PRKN: variants seen among roughly 807,000 people sequenced by gnomAD.
PRKN encodes E3 ubiquitin-protein ligase parkin.
A neutral mutation model predicts 59.5 loss-of-function variants in PRKN; 56 were observed. The ratio of observed to expected loss-of-function variants is 0.94; its 90% CI spans 0.76 to 1.18. The LOEUF (loss-of-function observed/expected upper bound fraction) is 1.18. Ranked by LOEUF, PRKN falls within the 50% of genes most tolerant of loss-of-function variation. PRKN has a pLI of 0.00. For missense variants in PRKN, 657 were observed against 596.4 expected (o/e 1.10, Z -1.06); for synonymous variants, 250 against 222.1 (o/e 1.13, Z -1.12).
chr6:161,850,423 C>T (rs561210871), intron 6 of PRKN, among the ~76,000 whole-genome samples: 33 of 151,828 alleles, frequency 2.2e-4, no homozygotes, highest in Non-Finnish European at 3.5e-4. Context: ...ACTAAAAATA[C>T]AAAAATTAGC....
intron 2 of PRKN, among the ~76,000 whole-genome samples, chr6:162,371,384 G>A (rs371146020): frequency 6.6e-5 from 10 of 152,140 alleles, no homozygotes; most frequent in Non-Finnish European, 1.3e-4. Flanking sequence ...GCAGCTTTGC[G>A]AGTTCTGACT....
At chr6:161,490,010 T>G (rs911319001) in intron 9 of PRKN, among the ~76,000 whole-genome samples, 12 of 152,244 alleles carry the variant, frequency 7.9e-5, no homozygotes, top group African/African-American at 2.9e-4. Flanking sequence ...CATCTGTTCC[T>G]GCAGTGGCAT....
intron 5 of PRKN, among the ~76,000 whole-genome samples, chr6:161,994,244 A>G (rs112646359): frequency 7.2e-6 from 1 of 139,396 alleles, no homozygotes; most frequent in Non-Finnish European, 1.5e-5. Flanking sequence ...GGTGTGCAGA[A>G]AAAAAAAAAA....
At chr6:161,855,103 A>G (rs983914627) in intron 6 of PRKN, among the ~76,000 whole-genome samples, 1 of 151,426 alleles carries the variant, frequency 6.6e-6, no homozygotes, top group African/African-American at 2.4e-5. Flanking sequence ...AAAAAAGAAA[A>G]AAAAAAAGAA....
chr6:162,350,242 A>G (rs1784568962), intron 2 of PRKN, among the ~76,000 whole-genome samples: 1 of 152,178 alleles, frequency 6.6e-6, no homozygotes, highest in African/African-American at 2.4e-5. Flanking sequence ...TACAGGTTAG[A>G]AGACTCAGTG....
At chr6:161,680,744 TATATATATATATATATATA>T (rs1562603522) in intron 7 of PRKN, among the ~76,000 whole-genome samples, 4 of 8,256 alleles carry the variant, frequency 4.8e-4, no homozygotes, top group Admixed American at 1.7e-3. Flanking sequence ...TATATATATA[TATATATATATATATATATA>T]TATATATATA....
intron 9 of PRKN, among the ~76,000 whole-genome samples, chr6:161,443,730 T>C (rs570915617): frequency 6.6e-6 from 1 of 152,278 alleles, no homozygotes; most frequent in South Asian, 2.1e-4. Context: ...ATTAGTTCAG[T>C]CAGTTTTACC....
intron 1 of PRKN, among the ~76,000 whole-genome samples, chr6:162,653,648 AT>A (rs1306016069): frequency 6.6e-6 from 1 of 152,012 alleles, no homozygotes; most frequent in African/African-American, 2.4e-5. Flanking sequence ...TGGTTATTTA[AT>A]TTTTTTCTGC....
chr6:161,704,375 C>A (rs889886249), intron 7 of PRKN, among the ~76,000 whole-genome samples: 1 of 152,138 alleles, frequency 6.6e-6, no homozygotes, highest in Non-Finnish European at 1.5e-5. Context: ...TCCCCTCATA[C>A]TCTGACTCGT....
At chr6:162,314,739 A>G (rs1049135490) in intron 2 of PRKN, among the ~76,000 whole-genome samples, 1 of 152,148 alleles carries the variant, frequency 6.6e-6, no homozygotes, top group African/African-American at 2.4e-5. Flanking sequence ...CATTCAACAA[A>G]TATTTCTTTA....
At chr6:162,024,821 G>C (rs9355976) in intron 5 of PRKN, among the ~76,000 whole-genome samples, 41,366 of 151,928 alleles carry the variant, frequency 0.27, 6,352 homozygotes, top group East Asian at 0.54. Flanking sequence ...CAAAAACAAA[G>C]AGAAAGCAGT....
chr6:162,568,636 T>C (rs1259773502), intron 1 of PRKN: 3 of 930,696 alleles, frequency 3.2e-6, no homozygotes, highest in East Asian at 2.4e-5. Context: ...ATAGGCAAGG[T>C]ACGGTTCCTG....
rs146376043 is a variant in PRKN, at chr6:161,882,921, C to T, written c.734+90381G>A. On this transcript the variant is annotated intron_variant, in intron 6 of 11. Coordinates refer to ENST00000366898, the MANE Select transcript of PRKN (RefSeq NM_004562.3). ...TCAGGAGGCTGAGGCATGATAATCGCTTGAATCCGGGAGGTGGAGGTTGCA... is the reference window on the plus strand; with the variant it reads ...TCAGGAGGCTGAGGCATGATAATCGTTTGAATCCGGGAGGTGGAGGTTGCA... Among the ~76,000 whole-genome samples the T allele has an allele frequency of 1.2e-3, 181 of 151,624 alleles. 2 individuals are homozygous for T. Among genetic ancestry groups the T allele is most frequent in the East Asian group, 0.011 (57 of 5,060 alleles).
At chr6:162,206,890 G>A (rs1347977436) in intron 3 of PRKN, among the ~76,000 whole-genome samples, 1 of 152,208 alleles carries the variant, frequency 6.6e-6, no homozygotes, top group Non-Finnish European at 1.5e-5. Flanking sequence ...CACCTCTGAT[G>A]TCCAGCAAGC....
intron 7 of PRKN, among the ~76,000 whole-genome samples, chr6:161,758,710 A>G (rs1010013676): frequency 2.0e-5 from 3 of 152,214 alleles, no homozygotes; most frequent in Non-Finnish European, 2.9e-5. Context: ...TAATTAACAC[A>G]GGCCCACTTA....
intron 6 of PRKN, among the ~76,000 whole-genome samples, chr6:161,896,687 CGTAA>C (rs764766382): frequency 7.2e-5 from 11 of 152,128 alleles, no homozygotes; most frequent in Admixed American, 1.3e-4. Flanking sequence ...GACCAAGCTT[CGTAA>C]GTGTTTACAA....
chr6:162,016,839 T>C (rs1782952039), intron 5 of PRKN, among the ~76,000 whole-genome samples: 1 of 152,106 alleles, frequency 6.6e-6, no homozygotes, highest in Admixed American at 6.6e-5. Context: ...CTCACAGTAG[T>C]CCCTTCTGCA....
At chr6:162,416,291 C>A (rs925344514) in intron 2 of PRKN, among the ~76,000 whole-genome samples, 3 of 152,286 alleles carry the variant, frequency 2.0e-5, no homozygotes, top group African/African-American at 4.8e-5. Flanking sequence ...CCCCCAGACC[C>A]CACCTCTACC....
intron 6 of PRKN, among the ~76,000 whole-genome samples, chr6:161,902,966 G>C (rs904951376): frequency 1.3e-5 from 2 of 152,148 alleles, no homozygotes; most frequent in Non-Finnish European, 2.9e-5. Context: ...GCTGCAAGAT[G>C]GGCAAGACGG....
Sources: allele counts gnomAD v4.1 joint callset (sites outside exome capture counted in the v4.1 genomes callset), GRCh38; gene constraint gnomAD v4.1.1; transcripts MANE v1.5; gene names NCBI Gene and HGNC (gene_info 2026-07-23, HGNC 2026-07-21).